Variants in COX7B2 observed in about 807,000 individuals in gnomAD.
The protein encoded by COX7B2 is cytochrome c oxidase subunit 7B2.
For synonymous variants in COX7B2, 37 were observed against 32.1 expected, an observed-to-expected ratio of 1.15 and a Z score of -0.51; for missense variants, 109 against 95.9, an observed-to-expected ratio of 1.14 and a Z score of -0.57.
intron 1 of COX7B2, among the ~76,000 whole-genome samples, chr4:46,882,803 GTTTT>G (rs1718830788): frequency 1.3e-5 from 2 of 152,068 alleles, no homozygotes; most frequent in African/African-American, 2.4e-5. Flanking sequence ...CCACTGTGAT[GTTTT>G]ATTTATTAAA....
intron 1 of COX7B2, among the ~76,000 whole-genome samples, chr4:46,892,380 T>C (rs1027935992): frequency 6.6e-6 from 1 of 152,218 alleles, no homozygotes; most frequent in African/African-American, 2.4e-5. Context: ...CATGTATCTT[T>C]ACTTCTATTA....
At chr4:46,842,617 A>G (rs964873911) in intron 2 of COX7B2, among the ~76,000 whole-genome samples, 2 of 150,322 alleles carry the variant, frequency 1.3e-5, no homozygotes, top group Non-Finnish European at 3.0e-5. Context: ...TGTTCTCATT[A>G]TTCAATTCCC....
chr4:46,771,592 C>A (rs1317396281), intron 2 of COX7B2, among the ~76,000 whole-genome samples: 7 of 151,712 alleles, frequency 4.6e-5, no homozygotes, highest in African/African-American at 1.7e-4. Flanking sequence ...TTTTGAGTAT[C>A]CCTAATCTGA....
At chr4:46,855,921 T>C (rs574207634) in intron 1 of COX7B2, among the ~76,000 whole-genome samples, 6 of 152,296 alleles carry the variant, frequency 3.9e-5, no homozygotes, top group East Asian at 1.9e-4. Context: ...TCTGGTTTTC[T>C]TTAATAATAA....
intron 1 of COX7B2, among the ~76,000 whole-genome samples, chr4:46,907,063 C>A (rs1339132308): frequency 1.3e-5 from 2 of 152,206 alleles, no homozygotes; most frequent in Non-Finnish European, 1.5e-5. Flanking sequence ...TTTCCTATTT[C>A]CTGACTCTCT....
Position 46,857,475 on chromosome 4 carries a change from A to T in COX7B2, c.-104-12461T>A, listed in dbSNP as rs184180491. Among the ~76,000 whole-genome samples the T allele has an allele frequency of 3.3e-5, 5 of 152,374 alleles. No individual in the cohort carries two copies. In the East Asian group the frequency reaches 9.6e-4, roughly 29 times the overall value. On this transcript the variant is annotated intron_variant, in intron 1 of 2. Coordinates refer to ENST00000355591, the MANE Select transcript of COX7B2 (RefSeq NM_130902.3). ...AGGGTCTTCTACCTCCAGGTGAACCATATGGGCAAACCATTTTCTTTTCTA... is the reference window on the plus strand; with the variant it reads ...AGGGTCTTCTACCTCCAGGTGAACCTTATGGGCAAACCATTTTCTTTTCTA...
intron 1 of COX7B2, among the ~76,000 whole-genome samples, chr4:46,873,474 G>T (rs898912809): frequency 2.0e-5 from 3 of 152,074 alleles, no homozygotes; most frequent in Non-Finnish European, 2.9e-5. Flanking sequence ...ATCCTCTCCA[G>T]CATCTGTTGT....
At chr4:46,742,315 C>G (rs1028239423) in intron 2 of COX7B2, among the ~76,000 whole-genome samples, 3 of 151,816 alleles carry the variant, frequency 2.0e-5, no homozygotes, top group Admixed American at 6.6e-5. Flanking sequence ...GATATCAATG[C>G]AAAATAAGAA....
At chr4:46,804,240 A>C (rs534286098) in intron 2 of COX7B2, among the ~76,000 whole-genome samples, 1 of 152,124 alleles carries the variant, frequency 6.6e-6, no homozygotes, top group African/African-American at 2.4e-5. Context: ...GGTAGTGCGG[A>C]CCCAAAGAGT....
intron 1 of COX7B2, among the ~76,000 whole-genome samples, chr4:46,908,834 G>A (rs1038960278): frequency 6.6e-6 from 1 of 151,690 alleles, no homozygotes; most frequent in Non-Finnish European, 1.5e-5. Flanking sequence ...GAGGTCAGGA[G>A]ATCGAGACCA....
At chr4:46,841,807 G>A (rs1371236580) in intron 2 of COX7B2, among the ~76,000 whole-genome samples, 3 of 151,976 alleles carry the variant, frequency 2.0e-5, no homozygotes, top group African/African-American at 4.8e-5. Context: ...CTAATGAAAT[G>A]AGAAACTTAT....
chr4:46,849,200 G>A (rs1716499387), intron 1 of COX7B2, among the ~76,000 whole-genome samples: 1 of 151,860 alleles, frequency 6.6e-6, no homozygotes, highest in Admixed American at 6.6e-5. Flanking sequence ...ATACAACTCT[G>A]CCCCTTGCGC....
At chr4:46,862,091 G>C (rs143441591) in intron 1 of COX7B2, among the ~76,000 whole-genome samples, 2 of 152,278 alleles carry the variant, frequency 1.3e-5, no homozygotes, top group East Asian at 3.9e-4. Flanking sequence ...TTTCTCCACT[G>C]CTGGTTAAGT....
intron 2 of COX7B2, among the ~76,000 whole-genome samples, chr4:46,773,919 T>G (rs918255016): frequency 6.6e-6 from 1 of 152,112 alleles, no homozygotes; most frequent in Admixed American, 6.6e-5. Flanking sequence ...AAGCTGTACT[T>G]CCACAATAAC....
intron 1 of COX7B2, among the ~76,000 whole-genome samples, chr4:46,882,324 T>G (rs1420082591): frequency 1.3e-5 from 2 of 152,180 alleles, no homozygotes; most frequent in African/African-American, 4.8e-5. Context: ...TGGTCCAATG[T>G]TGAGTTCAGG....
chr4:46,902,277 CAT>C (rs1720112440), intron 1 of COX7B2, among the ~76,000 whole-genome samples: 1 of 152,184 alleles, frequency 6.6e-6, no homozygotes, highest in African/African-American at 2.4e-5. Flanking sequence ...AGTCGACGAT[CAT>C]ATAACTCCCT....
rs145768502 is a variant in COX7B2 at position 46,841,335 on chromosome 4, C to CTGTGTGTGTGTG, written c.-50+3613_-50+3624dup. On this transcript the variant is annotated intron_variant, in intron 2 of 2. Coordinates refer to ENST00000355591, the MANE Select transcript of COX7B2 (RefSeq NM_130902.3). ...AAAGAGCCCACTTACCAAATGTGCT[C>CTGTGTGTGTGTG]TGTGTGTGTGTGTGTGTGTGTGTGT... Among the ~76,000 whole-genome samples, 781 of 139,872 alleles carry CTGTGTGTGTGTG rather than the reference C, an allele frequency of 5.6e-3. 4 individuals are homozygous for CTGTGTGTGTGTG. The highest frequency in any genetic ancestry group is 0.015 in the East Asian group (68 of 4,670). The allele number at this position is 139,872 out of a possible 152,430, so 91.8% of individuals were successfully genotyped here. A position where few individuals can be genotyped will look rare whatever the true frequency, so the allele number is the denominator to read the frequency against.
At chr4:46,899,309 G>C (rs1418118466) in intron 1 of COX7B2, among the ~76,000 whole-genome samples, 1 of 152,060 alleles carries the variant, frequency 6.6e-6, no homozygotes, top group African/African-American at 2.4e-5. Flanking sequence ...CACAGTATTA[G>C]AAAATAAAAA....
chr4:46,804,207 C>T (rs192562648), intron 2 of COX7B2, among the ~76,000 whole-genome samples: 3 of 152,196 alleles, frequency 2.0e-5, no homozygotes, highest in East Asian at 1.9e-4. Flanking sequence ...CAGACCTTCA[C>T]GGTGAGTGTT....
Sources: allele counts gnomAD v4.1 joint callset (sites outside exome capture counted in the v4.1 genomes callset), GRCh38; gene constraint gnomAD v4.1.1; transcripts MANE v1.5; gene names NCBI Gene and HGNC (gene_info 2026-07-23, HGNC 2026-07-21).